The following CNTN4 variants were observed in gnomAD, a reference collection of about 807,000 sequenced individuals.
CNTN4 encodes the protein contactin 4, also known as contactin-4.
Under a neutral mutation model 122.5 loss-of-function variants are expected in CNTN4, and 77 were observed. That is an observed-to-expected ratio of 0.63 (90% CI 0.52 to 0.76). CNTN4 has a LOEUF of 0.76. Ranked by LOEUF, CNTN4 falls within the 30% of genes least tolerant of loss-of-function variation. The pLI, the probability that CNTN4 is intolerant of heterozygous loss-of-function variation, is 0.00. For missense variants in CNTN4, 1,256 were observed against 1,259.1 expected, an observed-to-expected ratio of 1.00 and a Z score of 0.04; for synonymous variants, 512 against 447.0, an observed-to-expected ratio of 1.15 and a Z score of -1.83.
chr3:2,919,158 A>G (rs1376314237), intron 12 of CNTN4, among the ~76,000 whole-genome samples: 1 of 150,010 alleles, frequency 6.7e-6, no homozygotes, highest in African/African-American at 2.5e-5. Context: ...AGCCTGGCCA[A>G]GATGGTGAAA....
chr3:2,830,225 A>G (rs1479793354), intron 7 of CNTN4, among the ~76,000 whole-genome samples: 1 of 152,176 alleles, frequency 6.6e-6, no homozygotes, highest in Non-Finnish European at 1.5e-5. Flanking sequence ...GATAGGCACT[A>G]TGTAACTGTA....
chr3:2,256,311 C>T (rs1255400045), intron 2 of CNTN4, among the ~76,000 whole-genome samples: 4 of 152,030 alleles, frequency 2.6e-5, no homozygotes, highest in African/African-American at 9.7e-5. Context: ...AGTCTACCAA[C>T]CAAAAAAAGT....
At chr3:2,699,409 A>T (rs1335749857) in intron 4 of CNTN4, among the ~76,000 whole-genome samples, 1 of 152,226 alleles carries the variant, frequency 6.6e-6, no homozygotes, top group Non-Finnish European at 1.5e-5. Flanking sequence ...CCCGAAAGTC[A>T]TGTGCAACTT....
chr3:2,185,180 C>G (rs181647638), intron 2 of CNTN4, among the ~76,000 whole-genome samples: 7 of 152,238 alleles, frequency 4.6e-5, no homozygotes, highest in Admixed American at 2.6e-4. Context: ...TTTGTTTTCT[C>G]TCTTGGGATG....
intron 4 of CNTN4, among the ~76,000 whole-genome samples, chr3:2,641,659 C>T (rs2082900651): frequency 6.6e-6 from 1 of 152,182 alleles, no homozygotes; most frequent in Non-Finnish European, 1.5e-5. Context: ...TATCATTACT[C>T]TAAATATCCC....
chr3:2,669,255 G>A (rs1284282248), intron 4 of CNTN4, among the ~76,000 whole-genome samples: 1 of 152,112 alleles, frequency 6.6e-6, no homozygotes, highest in Non-Finnish European at 1.5e-5. Context: ...ATTAATTATT[G>A]CCTCAATTTC....
intron 11 of CNTN4, among the ~76,000 whole-genome samples, chr3:2,901,415 G>A (rs2094172051): frequency 6.6e-6 from 1 of 152,144 alleles, no homozygotes; most frequent in Admixed American, 6.6e-5. Flanking sequence ...CCTGCTCGGA[G>A]CAATGGCCCT....
chr3:2,488,016 C>T (rs1296597521), intron 3 of CNTN4, among the ~76,000 whole-genome samples: 2 of 152,172 alleles, frequency 1.3e-5, no homozygotes, highest in South Asian at 2.1e-4. Flanking sequence ...TAGTTTCTCC[C>T]TCTTTCCATT....
In CNTN4 at chr3:2,830,736, CT is replaced by C. The variant is rs146445631; in HGVS notation, c.454+11156del. ...ACGGGCACCATTCTTGTTTTAATGC[CT>C]GCTGGAAATATACCCTGTGAATCTC... On this transcript the variant is annotated intron_variant, in intron 7 of 24. Transcript: ENST00000418658. Among the ~76,000 whole-genome samples, 623 of 152,306 alleles carry C rather than the reference CT, an allele frequency of 4.1e-3. 7 individuals carry two copies. The highest frequency in any genetic ancestry group is 0.014 in the African/African-American group (583 of 41,568).
intron 7 of CNTN4, among the ~76,000 whole-genome samples, chr3:2,866,158 C>T (rs2093722026): frequency 6.6e-6 from 1 of 152,122 alleles, no homozygotes; most frequent in Non-Finnish European, 1.5e-5. Flanking sequence ...TGGGAGAAGA[C>T]TGCATTGACA....
chr3:2,982,231 C>T (rs1456950544), intron 13 of CNTN4, among the ~76,000 whole-genome samples: 3 of 152,054 alleles, frequency 2.0e-5, no homozygotes, highest in African/African-American at 4.8e-5. Context: ...AATCTTCTAC[C>T]GAAAAGTTCT....
intron 16 of CNTN4, 76 bp from the exon 17 acceptor site, chr3:3,034,556 C>A: frequency 3.5e-6 from 5 of 1,416,708 alleles, no homozygotes; most frequent in Non-Finnish European, 5.0e-6. Context: ...GGTCAATGCC[C>A]CATTCAAGTA....
chr3:2,619,933 G>C (rs2081929714), intron 4 of CNTN4, among the ~76,000 whole-genome samples: 1 of 152,132 alleles, frequency 6.6e-6, no homozygotes, highest in Admixed American at 6.6e-5. Flanking sequence ...TTGTTTCTAA[G>C]ATAGGGGCTA....
chr3:3,053,387 C>A (rs163571), intron 23 of CNTN4, among the ~76,000 whole-genome samples: 63,185 of 152,028 alleles, frequency 0.42, 14,076 homozygotes, highest in African/African-American at 0.55. Context: ...TATTGTCCCC[C>A]TTTTACAGAT....
chr3:2,604,103 T>C (rs1369839478), intron 4 of CNTN4, among the ~76,000 whole-genome samples: 2 of 152,182 alleles, frequency 1.3e-5, no homozygotes, highest in Non-Finnish European at 2.9e-5. Flanking sequence ...TCACATTTCA[T>C]CTGCCAGAGT....
At chr3:2,469,760 G>A (rs1331329443) in intron 3 of CNTN4, among the ~76,000 whole-genome samples, 3 of 152,074 alleles carry the variant, frequency 2.0e-5, no homozygotes, top group African/African-American at 7.2e-5. Context: ...ATGGGTGATG[G>A]GCTCAGTATA....
chr3:2,167,598 A>G (rs559441969), intron 2 of CNTN4, among the ~76,000 whole-genome samples: 10 of 152,314 alleles, frequency 6.6e-5, no homozygotes, highest in African/African-American at 2.4e-4. Context: ...AAAAAATCCA[A>G]GACAAATGAT....
At chr3:2,302,162 G>A (rs2042549601) in intron 2 of CNTN4, among the ~76,000 whole-genome samples, 1 of 152,188 alleles carries the variant, frequency 6.6e-6, no homozygotes. Flanking sequence ...TGGGCACAGT[G>A]GCTCATGCCT....
At chr3:2,675,458 A>G (rs888285764) in intron 4 of CNTN4, among the ~76,000 whole-genome samples, 7 of 152,212 alleles carry the variant, frequency 4.6e-5, no homozygotes, top group African/African-American at 1.7e-4. Context: ...TCAGCCAGCC[A>G]AAACTTACCC....
Sources: gnomAD v4.1 joint callset for allele counts (sites outside exome capture counted in the v4.1 genomes callset) on GRCh38, gnomAD v4.1.1 for gene constraint, MANE v1.5 for transcripts, NCBI Gene and HGNC (gene_info 2026-07-23, HGNC 2026-07-21) for gene names.